The following ZNF529 variants were observed in gnomAD, a reference collection of about 807,000 sequenced individuals.
The protein encoded by ZNF529 is zinc finger protein 529.
In ZNF529, 11 loss-of-function variants were observed where a neutral mutation model predicts 10.1. That is an observed-to-expected ratio of 1.09 (90% CI 0.69 to 1.81). ZNF529 has a LOEUF of 1.81. ZNF529 is among the 40% of genes most tolerant of loss of function. ZNF529 has a pLI of 0.00. For missense variants in ZNF529, 624 were observed against 666.8 expected (o/e 0.94, Z 0.71); for synonymous variants, 204 against 215.7 (o/e 0.95, Z 0.47).
At chr19:36,589,434 A>G (rs2036656842) in intron 2 of ZNF529, among the ~76,000 whole-genome samples, 1 of 152,152 alleles carries the variant, frequency 6.6e-6, no homozygotes, top group South Asian at 2.1e-4. Context: ...ATCCCCACAT[A>G]TCTGGGGGTC....
chr19:36,573,649 C>G (rs2036234980), upstream of ZNF529: 1 of 357,136 alleles, frequency 2.8e-6, no homozygotes, highest in Admixed American at 3.4e-5. Flanking sequence ...CCTGCCTCAC[C>G]TCTGGAAAGA....
intron 2 of ZNF529, among the ~76,000 whole-genome samples, chr19:36,585,306 A>G (rs1421456065): frequency 6.6e-6 from 1 of 152,170 alleles, no homozygotes; most frequent in African/African-American, 2.4e-5. Context: ...TTTGATAGAG[A>G]AATGAGCTGC....
chr19:36,590,567 A>C (rs1018606577), intron 1 of ZNF529, among the ~76,000 whole-genome samples: 2 of 152,132 alleles, frequency 1.3e-5, no homozygotes, highest in African/African-American at 4.8e-5. Flanking sequence ...AAATAAGATG[A>C]GAGAAAAAAA....
At chr19:36,570,555 A>G (rs1160186188) in intron 2 of ZNF529, among the ~76,000 whole-genome samples, 2 of 152,110 alleles carry the variant, frequency 1.3e-5, no homozygotes, top group Non-Finnish European at 2.9e-5. Context: ...TTCTCCCGGT[A>G]TTTGCCCTAT....
chr19:36,581,199 T>C (rs1008516649), intron 2 of ZNF529: 5 of 152,146 alleles, frequency 3.3e-5, no homozygotes, highest in African/African-American at 1.2e-4. Flanking sequence ...CTTCAAAAGA[T>C]TGCCACATTA....
rs369693393 is a variant in ZNF529, at chr19:36,547,438, C to G, written c.1120G>C (p.Ala374Pro). ...GCAAGTTCTCTACATACTCCAAAAGCCTTCCCACATTCCTTACATGCATAA... is the reference window on the plus strand; with the variant it reads ...GCAAGTTCTCTACATACTCCAAAAGGCTTCCCACATTCCTTACATGCATAA... ...KPYACKECGK[A>P]FGVCRELARH... Residue 374 changes from alanine (A) to proline (P), a missense_variant, in exon 5 of 5, where the codon GCT (alanine) becomes CCT (proline). Transcript: ENST00000591340. 5 of 1,613,942 alleles carry G rather than the reference C, an allele frequency of 3.1e-6. No homozygotes were observed. Among genetic ancestry groups the G allele is most frequent in the Non-Finnish European group, 4.2e-6 (5 of 1,179,906 alleles).
chr19:36,591,371 A>G (rs1049205494), intron 1 of ZNF529, among the ~76,000 whole-genome samples: 1 of 151,950 alleles, frequency 6.6e-6, no homozygotes, highest in Middle Eastern at 3.2e-3. Context: ...AATGGACAAA[A>G]TTTCTAAAAA....
intron 2 of ZNF529, chr19:36,581,690 T>A (rs2036467185): frequency 6.5e-6 from 1 of 152,906 alleles, no homozygotes; most frequent in Non-Finnish European, 1.5e-5. Flanking sequence ...TGGCACCTCC[T>A]CCCTCTCCCT....
intron 1 of ZNF529, among the ~76,000 whole-genome samples, chr19:36,596,730 T>G (rs944029963): frequency 3.1e-4 from 47 of 151,674 alleles, no homozygotes; most frequent in Admixed American, 2.4e-3. Flanking sequence ...ATGTTGGCCA[T>G]GCTGGTCTCG....
intron 2 of ZNF529, among the ~76,000 whole-genome samples, chr19:36,567,000 A>G (rs185377251): frequency 9.2e-5 from 14 of 151,622 alleles, no homozygotes; most frequent in Admixed American, 4.6e-4. Flanking sequence ...TGGGCAACAG[A>G]GCGAGACTGT....
intron 4 of ZNF529, among the ~76,000 whole-genome samples, chr19:36,553,634 A>G (rs2035347388): frequency 6.6e-6 from 1 of 152,206 alleles, no homozygotes; most frequent in African/African-American, 2.4e-5. Context: ...CAATCCATCA[A>G]TATATAAATT....
intron 1 of ZNF529, among the ~76,000 whole-genome samples, chr19:36,590,172 C>T (rs532590245): frequency 6.6e-6 from 1 of 152,008 alleles, no homozygotes; most frequent in Non-Finnish European, 1.5e-5. Flanking sequence ...AGTTTCAGAC[C>T]AGCCTAGGCA....
At chr19:36,574,689 T>TA (rs1176367424), upstream of ZNF529, 2 of 381,054 alleles carry the variant, frequency 5.2e-6, no homozygotes, top group Non-Finnish European at 1.1e-5. Context: ...TATTTCTCCT[T>TA]TAGTTTACCC....
intron 1 of ZNF529, among the ~76,000 whole-genome samples, chr19:36,603,891 A>G (rs1423175342): frequency 6.6e-6 from 1 of 152,126 alleles, no homozygotes; most frequent in Non-Finnish European, 1.5e-5. Flanking sequence ...TCCAAAAGGG[A>G]TCTTTTGGCT....
chr19:36,588,005 G>C (rs1600353123), intron 2 of ZNF529, among the ~76,000 whole-genome samples: 1 of 152,122 alleles, frequency 6.6e-6, no homozygotes, highest in African/African-American at 2.4e-5. Flanking sequence ...AAAATTAGCT[G>C]TGTGTGGTGG....
chr19:36,598,361 T>A (rs2036872869), intron 1 of ZNF529, among the ~76,000 whole-genome samples: 1 of 151,958 alleles, frequency 6.6e-6, no homozygotes, highest in Non-Finnish European at 1.5e-5. Flanking sequence ...GTAAAAAATA[T>A]TAGCCGGGCC....
upstream of ZNF529, among the ~76,000 whole-genome samples, chr19:36,574,469 C>G (rs2036263119): frequency 6.6e-6 from 1 of 152,030 alleles, no homozygotes; most frequent in African/African-American, 2.4e-5. Flanking sequence ...CCCCGCCTTT[C>G]CATCATGGCT....
intron 2 of ZNF529, among the ~76,000 whole-genome samples, chr19:36,559,378 G>A (rs1038293245): frequency 6.6e-6 from 1 of 152,142 alleles, no homozygotes; most frequent in East Asian, 1.9e-4. Flanking sequence ...CCACAATCTC[G>A]GTTCACTGCA....
chr19:36,599,895 G>A (rs1262827786), intron 1 of ZNF529, among the ~76,000 whole-genome samples: 1 of 150,778 alleles, frequency 6.6e-6, no homozygotes, highest in Non-Finnish European at 1.5e-5. Context: ...TTGAGAAGGA[G>A]TCTCACTCTG....
Sources: allele counts gnomAD v4.1 joint callset (sites outside exome capture counted in the v4.1 genomes callset), GRCh38; gene constraint gnomAD v4.1.1; transcripts MANE v1.5; gene names NCBI Gene and HGNC (gene_info 2026-07-23, HGNC 2026-07-21).